Variants in INVS observed in about 807,000 individuals in gnomAD.
INVS encodes the protein inversion of embryo turning homolog.
In INVS, 86 loss-of-function variants were observed where a neutral mutation model predicts 108.8. The observed-to-expected ratio is 0.79, with a 90% CI of 0.66 to 0.95. INVS has a LOEUF of 0.95. INVS is among the 40% of genes least tolerant of loss of function. INVS has a pLI of 0.00. For missense variants in INVS, 1,169 were observed against 1,297.4 expected (o/e 0.90, Z 1.52); for synonymous variants, 455 against 473.5 (o/e 0.96, Z 0.51).
At chr9:100,295,021 G>T (rs370174358) in intron 14 of INVS, among the ~76,000 whole-genome samples, 3 of 152,166 alleles carry the variant, frequency 2.0e-5, no homozygotes, top group African/African-American at 7.2e-5. Context: ...AGTCGGCCTC[G>T]AAAGCCACAG....
intron 3 of INVS, among the ~76,000 whole-genome samples, chr9:100,160,752 C>A (rs1022514471): frequency 5.3e-5 from 8 of 152,070 alleles, no homozygotes; most frequent in Admixed American, 5.2e-4. Context: ...TTACCCTAAT[C>A]TTTGACTCCT....
chr9:100,253,198 T>G, intron 10 of INVS, 62 bp downstream of exon 10: 1 of 1,320,712 alleles, frequency 7.6e-7, no homozygotes. Flanking sequence ...TCTTCTTTGT[T>G]GTAAACATAA....
intron 3 of INVS, among the ~76,000 whole-genome samples, chr9:100,192,196 G>C (rs1830241819): frequency 6.6e-6 from 1 of 151,802 alleles, no homozygotes. Flanking sequence ...GTCTTTCCAA[G>C]TAGGGGAGGC....
chr9:100,243,934 C>G (rs1251091290), intron 7 of INVS, among the ~76,000 whole-genome samples: 2 of 152,188 alleles, frequency 1.3e-5, no homozygotes, highest in East Asian at 3.9e-4. Flanking sequence ...TCACTTGAAC[C>G]TAGGAGGCGG....
At chr9:100,100,698 G>A (rs868489069) in intron 1 of INVS, among the ~76,000 whole-genome samples, 8 of 6,676 alleles carry the variant, frequency 1.2e-3, no homozygotes, top group Admixed American at 3.8e-3. Flanking sequence ...TATTATATAT[G>A]TACATATAAT....
intron 16 of INVS, chr9:100,298,365 T>A (rs1833852243): frequency 1.0e-6 from 1 of 975,426 alleles, no homozygotes; most frequent in South Asian, 4.7e-5. Context: ...GATCCCCTAT[T>A]TCCTTCTCCA....
At chr9:100,148,234 A>G (rs945217064) in intron 3 of INVS, among the ~76,000 whole-genome samples, 1 of 152,136 alleles carries the variant, frequency 6.6e-6, no homozygotes, top group Non-Finnish European at 1.5e-5. Context: ...CTAAAGACAT[A>G]TAAGAAACTA....
intron 13 of INVS, among the ~76,000 whole-genome samples, chr9:100,290,649 G>A (rs904729849): frequency 6.6e-6 from 1 of 152,162 alleles, no homozygotes; most frequent in East Asian, 1.9e-4. Flanking sequence ...ATCACACCCA[G>A]CCCATCCCTT....
At chr9:100,278,111 C>A (rs1162656705) in intron 12 of INVS, among the ~76,000 whole-genome samples, 1 of 151,210 alleles carries the variant, frequency 6.6e-6, no homozygotes, top group Non-Finnish European at 1.5e-5. Flanking sequence ...GTGGCTTATA[C>A]CTGTAGTCCC....
intron 2 of INVS, among the ~76,000 whole-genome samples, chr9:100,123,608 G>A (rs766436102): frequency 3.9e-5 from 6 of 152,064 alleles, no homozygotes; most frequent in African/African-American, 7.2e-5. Context: ...ATATGTCTTC[G>A]TTTCTCTTGG....
rs145702130 is a variant in INVS, at chr9:100,214,541, T to C, written c.274-11521T>C. ...TAAGTAGTTGTTACTTCAGTTGCCA[T>C]GCATGGCATAATCCAAAGCTGCTCA... On this transcript the variant is annotated intron_variant, in intron 3 of 16. Coordinates refer to ENST00000262457, the MANE Select transcript of INVS (RefSeq NM_014425.5). 2.0e-3 allele frequency among the ~76,000 whole-genome samples: 301 copies of C among 152,346 alleles called. 3 individuals are homozygous for C. The highest frequency in any genetic ancestry group is 6.5e-3 in the African/African-American group (269 of 41,582).
At chr9:100,179,820 C>T (rs1292266136) in intron 3 of INVS, among the ~76,000 whole-genome samples, 1 of 152,136 alleles carries the variant, frequency 6.6e-6, no homozygotes, top group African/African-American at 2.4e-5. Context: ...AACTCTCCAC[C>T]CCATATCAAC....
At chr9:100,298,212 T>C in intron 16 of INVS, 1 of 1,477,420 alleles carries the variant, frequency 6.8e-7, no homozygotes. Context: ...CTATTATTGT[T>C]AACATTAACT....
intron 1 of INVS, among the ~76,000 whole-genome samples, 151 bp downstream of exon 1, chr9:100,099,567 A>G (rs1354537848): frequency 1.3e-5 from 2 of 152,144 alleles, no homozygotes; most frequent in African/African-American, 2.4e-5. Flanking sequence ...TTTCTGCTCT[A>G]ATTCCTGCAT....
intron 3 of INVS, among the ~76,000 whole-genome samples, chr9:100,138,424 A>C (rs1354397224): frequency 1.3e-5 from 2 of 151,976 alleles, no homozygotes; most frequent in Non-Finnish European, 2.9e-5. Flanking sequence ...AATTTTATAT[A>C]TATATATATC....
At chr9:100,202,632 G>A (rs1489879296) in intron 3 of INVS, among the ~76,000 whole-genome samples, 1 of 151,548 alleles carries the variant, frequency 6.6e-6, no homozygotes, top group East Asian at 1.9e-4. Flanking sequence ...AACCTTCCAT[G>A]TCACACAGTA....
intron 3 of INVS, among the ~76,000 whole-genome samples, chr9:100,157,394 A>G (rs1259033839): frequency 6.6e-6 from 1 of 150,820 alleles, no homozygotes; most frequent in Non-Finnish European, 1.5e-5. Flanking sequence ...CCTCCCAAGT[A>G]GCTGGGACTA....
chr9:100,103,002 G>A (rs1208121053), intron 1 of INVS, among the ~76,000 whole-genome samples: 2 of 151,858 alleles, frequency 1.3e-5, no homozygotes, highest in African/African-American at 2.4e-5. Context: ...ATGGGCACGC[G>A]CCACCACGCC....
chr9:100,126,429 A>G lies in INVS; in HGVS notation c.153A>G (p.Pro51=), dbSNP rs1348116871. The change falls in exon 3 of 17, where the codon CCA becomes CCG. Residue 51 remains proline, a synonymous_variant. Coordinates refer to ENST00000262457, the MANE Select transcript of INVS (RefSeq NM_014425.5). Reference sequence around the variant, plus strand: ...AAGAAGATCAGTTTGGGAGAACACCACTTATGTATTGCGTGTTGGCTGACA... The same window carrying G: ...AAGAAGATCAGTTTGGGAGAACACCGCTTATGTATTGCGTGTTGGCTGACA... ...KDKEDQFGRT[P]LMYCVLADRL... is the part of the protein sequence containing the mutation. The G allele has an allele frequency of 1.2e-6, 2 of 1,614,108 alleles. No homozygotes were observed. Among genetic ancestry groups the G allele is most frequent in the Admixed American group, 1.7e-5 (1 of 60,030 alleles).
Sources: allele counts gnomAD v4.1 joint callset (sites outside exome capture counted in the v4.1 genomes callset), GRCh38; gene constraint gnomAD v4.1.1; transcripts MANE v1.5; gene names NCBI Gene and HGNC (gene_info 2026-07-23, HGNC 2026-07-21).